The following OR51B5 variants were observed in gnomAD, a reference collection of about 807,000 sequenced individuals.
The protein encoded by OR51B5 is olfactory receptor family 51 subfamily B member 5.
For missense variants in OR51B5, 456 were observed against 374.6 expected, an observed-to-expected ratio of 1.22 and a Z score of -1.79; for synonymous variants, 186 against 144.8, an observed-to-expected ratio of 1.28 and a Z score of -2.04.
intron 1 of OR51B5, among the ~76,000 whole-genome samples, chr11:5,358,588 C>T (rs979126272): frequency 5.3e-5 from 8 of 152,126 alleles, no homozygotes; most frequent in African/African-American, 1.7e-4. Context: ...GTACCATTCC[C>T]TCTGAAACTA....
chr11:5,459,691 C>T (rs1294012308), intron 1 of OR51B5, among the ~76,000 whole-genome samples: 1 of 152,142 alleles, frequency 6.6e-6, no homozygotes, highest in Non-Finnish European at 1.5e-5. Context: ...TGCCATCTCC[C>T]ATCAGTCTAA....
At chr11:5,434,627 G>A (rs572861692) in intron 1 of OR51B5, among the ~76,000 whole-genome samples, 3 of 152,212 alleles carry the variant, frequency 2.0e-5, no homozygotes, top group South Asian at 2.1e-4. Context: ...TCAAGACTTC[G>A]AAGGACCATG....
intron 1 of OR51B5, among the ~76,000 whole-genome samples, chr11:5,447,037 T>A (rs1180412623): frequency 6.6e-6 from 1 of 152,222 alleles, no homozygotes; most frequent in Non-Finnish European, 1.5e-5. Flanking sequence ...TACTTTCATC[T>A]TTCATGGACT....
intron 1 of OR51B5, chr11:5,454,339 C>T: frequency 6.2e-7 from 1 of 1,614,120 alleles, no homozygotes; most frequent in Non-Finnish European, 8.5e-7. Context: ...CTATTTGTGC[C>T]TCCTGTGCTC....
In OR51B5 at chr11:5,436,547, T is replaced by C. The variant is rs190387160; in HGVS notation, n.84+69022A>G. 2.0e-3 allele frequency among the ~76,000 whole-genome samples: 301 copies of C among 152,368 alleles called. 1 individual carries two copies. The highest frequency in any genetic ancestry group is 6.9e-3 in the African/African-American group (285 of 41,594). Reference sequence around the variant, plus strand: ...AACCCCTGCTGTGTGATCACCCATGTGTCTTTCACTGCTAAAGCAGTCTCT... The same window carrying C: ...AACCCCTGCTGTGTGATCACCCATGCGTCTTTCACTGCTAAAGCAGTCTCT... On this transcript the variant is annotated intron_variant and non_coding_transcript_variant, in intron 1 of 4. Coordinates refer to the OR51B5 transcript ENST00000415970.
intron 1 of OR51B5, among the ~76,000 whole-genome samples, chr11:5,349,901 C>A (rs1849050496): frequency 1.3e-5 from 2 of 152,112 alleles, no homozygotes; most frequent in Admixed American, 1.3e-4. Flanking sequence ...CCCACCCAGA[C>A]ATATCACATT....
chr11:5,448,818 A>G (rs902461001), intron 1 of OR51B5, among the ~76,000 whole-genome samples: 2 of 152,232 alleles, frequency 1.3e-5, no homozygotes. Context: ...TGTAGCTCTG[A>G]ATGCTGGAAA....
chr11:5,482,595 A>C (rs1383964014), intron 1 of OR51B5, among the ~76,000 whole-genome samples: 1 of 110,304 alleles, frequency 9.1e-6, no homozygotes, highest in Non-Finnish European at 1.8e-5. Context: ...GAAAATTTTC[A>C]CAACCTACTC....
intron 1 of OR51B5, among the ~76,000 whole-genome samples, chr11:5,425,748 T>C (rs753352678): frequency 4.7e-4 from 72 of 152,304 alleles, no homozygotes; most frequent in African/African-American, 1.4e-3. Context: ...TTGTATCTTA[T>C]TGACCCTCTG....
intron 1 of OR51B5, chr11:5,352,459 G>A (rs1849112703): frequency 2.7e-6 from 4 of 1,506,140 alleles, no homozygotes; most frequent in African/African-American, 1.4e-5. Context: ...TTGTTTCACT[G>A]GTCTCTGAGG....
chr11:5,416,442 A>G (rs1453061201), intron 1 of OR51B5, among the ~76,000 whole-genome samples: 129 of 151,614 alleles, frequency 8.5e-4, no homozygotes, highest in African/African-American at 2.9e-3. Flanking sequence ...TTAGGCAGGA[A>G]AAGGAAATAA....
chr11:5,390,059 C>G, intron 1 of OR51B5: 1 of 1,613,702 alleles, frequency 6.2e-7, no homozygotes, highest in Non-Finnish European at 8.5e-7. Flanking sequence ...CACTGTGATG[C>G]TGGACCTGGT....
At chr11:5,479,565 G>T (rs1373870984) in intron 1 of OR51B5, among the ~76,000 whole-genome samples, 2 of 151,254 alleles carry the variant, frequency 1.3e-5, no homozygotes, top group African/African-American at 4.9e-5. Context: ...ACACAGACTG[G>T]CAAATTGGAT....
intron 1 of OR51B5, among the ~76,000 whole-genome samples, chr11:5,407,407 C>A (rs550329557): frequency 2.0e-5 from 3 of 152,266 alleles, no homozygotes; most frequent in African/African-American, 4.8e-5. Context: ...TTTCTGACTT[C>A]GCAGAATTGC....
rs1459616826 is a variant in OR51B5, at chr11:5,368,276, A to G, written n.85-21366T>C. On this transcript the variant is annotated intron_variant and non_coding_transcript_variant, in intron 1 of 4. Transcript: ENST00000415970. ...ATTAAACAGTTTGGTTTACAATCCC[A>G]CCTTCCACTTATTGGCTGCGTACCC... 4.6e-5 allele frequency among the ~76,000 whole-genome samples: 7 copies of G among 152,176 alleles called. No homozygotes were observed. The East Asian group carries it at 1.2e-3, about 25-fold the overall frequency.
At chr11:5,500,040 A>G (rs1230804243) in intron 1 of OR51B5, among the ~76,000 whole-genome samples, 4 of 152,226 alleles carry the variant, frequency 2.6e-5, no homozygotes, top group African/African-American at 9.6e-5. Context: ...TATAAGAGAC[A>G]GTGAGCTCAC....
intron 1 of OR51B5, among the ~76,000 whole-genome samples, chr11:5,394,622 T>C (rs1849841024): frequency 1.3e-5 from 2 of 152,224 alleles, no homozygotes; most frequent in Non-Finnish European, 2.9e-5. Flanking sequence ...AATTTTATGT[T>C]TTGCTTTGTG....
intron 1 of OR51B5, chr11:5,393,060 C>G (rs536480001): frequency 9.8e-5 from 15 of 152,314 alleles, no homozygotes; most frequent in Non-Finnish European, 1.8e-4. Context: ...TATTCATGCT[C>G]TGTGTCTCAG....
At chr11:5,473,418 CAGACAAATTATTTAAAG>C (rs1851258882) in intron 1 of OR51B5, among the ~76,000 whole-genome samples, 1 of 152,096 alleles carries the variant, frequency 6.6e-6, no homozygotes, top group Non-Finnish European at 1.5e-5. Context: ...CTGATATGCA[CAGACAAATTATTTAAAG>C]AGTTAGAAAT....
Sources: gnomAD v4.1 joint callset for allele counts (sites outside exome capture counted in the v4.1 genomes callset) on GRCh38, gnomAD v4.1.1 for gene constraint, MANE v1.5 for transcripts, NCBI Gene and HGNC (gene_info 2026-07-23, HGNC 2026-07-21) for gene names.